The following PHF20 variants were observed in gnomAD, a reference collection of about 807,000 sequenced individuals.
PHF20 encodes PHD finger protein 20, also known as glioma-expressed antigen 2.
A neutral mutation model predicts 113.5 loss-of-function variants in PHF20; 23 were observed. The observed-to-expected ratio is 0.20, with a 90% CI of 0.15 to 0.29. PHF20 has a LOEUF of 0.29. PHF20 is among the 10% of genes least tolerant of loss of function. PHF20 has a pLI of 1.00. For missense variants in PHF20, 943 were observed against 1,219.6 expected (o/e 0.77, Z 3.38); for synonymous variants, 434 against 457.3 (o/e 0.95, Z 0.65).
At chr20:35,923,901 A>G (rs8125966) in intron 13 of PHF20, among the ~76,000 whole-genome samples, 14,882 of 152,066 alleles carry the variant, frequency 0.098, 789 homozygotes, top group South Asian at 0.15. Flanking sequence ...ACATGCACAC[A>G]ACATCACACC....
intron 9 of PHF20, among the ~76,000 whole-genome samples, chr20:35,876,037 TGAG>T (rs1287097481): frequency 6.6e-6 from 1 of 152,116 alleles, no homozygotes; most frequent in African/African-American, 2.4e-5. Flanking sequence ...AGGATGATGA[TGAG>T]ATTTCATGTC....
chr20:35,839,768 CAT>C (rs1479234617), intron 2 of PHF20, among the ~76,000 whole-genome samples: 3 of 152,176 alleles, frequency 2.0e-5, no homozygotes, highest in Non-Finnish European at 4.4e-5. Context: ...TTATGGAAAA[CAT>C]ACCCTTCCAG....
chr20:35,778,662 A>G (rs1489321350), intron 1 of PHF20, among the ~76,000 whole-genome samples: 1 of 151,752 alleles, frequency 6.6e-6, no homozygotes, highest in Non-Finnish European at 1.5e-5. Flanking sequence ...CTGAGGCAGG[A>G]GAATGGCTTG....
intron 5 of PHF20, among the ~76,000 whole-genome samples, chr20:35,861,326 C>T (rs6060641): frequency 6.6e-6 from 1 of 152,012 alleles, no homozygotes; most frequent in South Asian, 2.1e-4. Flanking sequence ...TTGTTCTTAA[C>T]GTTTTGGTGT....
At chr20:35,860,237 A>ATT (rs34253757) in intron 5 of PHF20, among the ~76,000 whole-genome samples, 40 of 129,746 alleles carry the variant, frequency 3.1e-4, no homozygotes, top group Non-Finnish European at 3.4e-4. Flanking sequence ...TTTCTAAGAA[A>ATT]TTTTTTTTTT....
At chr20:35,921,925 C>T (rs574298250) in intron 13 of PHF20, among the ~76,000 whole-genome samples, 2 of 152,128 alleles carry the variant, frequency 1.3e-5, no homozygotes, top group African/African-American at 2.4e-5. Context: ...CAGGGCTATT[C>T]TGTCTAACAG....
At chr20:35,788,812 C>T (rs1156934137) in intron 1 of PHF20, among the ~76,000 whole-genome samples, 2 of 150,608 alleles carry the variant, frequency 1.3e-5, no homozygotes, top group African/African-American at 2.4e-5. Flanking sequence ...TGACGTCAGG[C>T]GATCCACCCA....
Position 35,925,327 on chromosome 20 carries a change from T to C in PHF20, c.2005-2453T>C, listed in dbSNP as rs570386594. ...CAGGCTGGAGTGTAGTAGCGTGATCTTGGCTCACTGCAACCTCCGCCTCCT... is the reference window on the plus strand; with the variant it reads ...CAGGCTGGAGTGTAGTAGCGTGATCCTGGCTCACTGCAACCTCCGCCTCCT... On this transcript the variant is annotated intron_variant, in intron 13 of 17. Coordinates refer to ENST00000374012, the MANE Select transcript of PHF20 (RefSeq NM_016436.5). Among the ~76,000 whole-genome samples, 9 of 151,986 alleles carry C rather than the reference T, an allele frequency of 5.9e-5. No individual in the cohort carries two copies. In the South Asian group the frequency reaches 1.9e-3, roughly 32 times the overall value.
At chr20:35,924,702 C>G (rs865940679) in intron 13 of PHF20, among the ~76,000 whole-genome samples, 8 of 152,104 alleles carry the variant, frequency 5.3e-5, no homozygotes, top group Middle Eastern at 6.8e-3. Flanking sequence ...AAGTGATCCT[C>G]CTGCCTCAGC....
In PHF20 at chr20:35,847,421, T is replaced by C. The variant is rs775596071; in HGVS notation, c.327T>C (p.Ala109=). The C allele has an allele frequency of 4.0e-5, 64 of 1,610,278 alleles. No homozygotes were observed. Among genetic ancestry groups the C allele is most frequent in the Non-Finnish European group, 5.3e-5 (62 of 1,176,814 alleles). The change falls in exon 4 of 18, where the codon GCT becomes GCC. Residue 109 remains alanine, a synonymous_variant. Transcript: ENST00000374012. The stretch of plus-strand genomic sequence containing the variant: ...GTTTTTACCCGGCCAAAGTCACTGC[T>C]GTTAACAAGGATGGTAAGGCATTTG... The part of the protein sequence containing the change: ...DCRFYPAKVT[A]VNKDGTYTVK...
chr20:35,898,559 C>T (rs954525136), intron 9 of PHF20, among the ~76,000 whole-genome samples: 6 of 152,108 alleles, frequency 3.9e-5, no homozygotes, highest in Non-Finnish European at 7.4e-5. Context: ...CTCAGCCTCC[C>T]GAATAGCTAG....
In PHF20 at chr20:35,852,927, T is replaced by C. The variant is rs968106246; in HGVS notation, c.341-5375T>C. Among the ~76,000 whole-genome samples, 5 of 150,186 alleles carry C rather than the reference T, an allele frequency of 3.3e-5. No homozygotes were observed. The South Asian group carries it at 8.4e-4, about 25-fold the overall frequency. Reference sequence around the variant, plus strand: ...AATCTTTTTTTCCTTTTTTTTTTTTTCTAAAAAGGGCCAGTCCAGGCGTGG... The same window carrying C: ...AATCTTTTTTTCCTTTTTTTTTTTTCCTAAAAAGGGCCAGTCCAGGCGTGG... On this transcript the variant is annotated intron_variant, in intron 4 of 17. Transcript: ENST00000374012.
intron 5 of PHF20, among the ~76,000 whole-genome samples, chr20:35,862,382 G>A (rs551263761): frequency 1.6e-3 from 248 of 152,294 alleles, no homozygotes; most frequent in Middle Eastern, 3.4e-3. Context: ...TGGGGATAAG[G>A]ACAGAGCATG....
At chr20:35,850,441 T>TG (rs2042704700) in intron 4 of PHF20, among the ~76,000 whole-genome samples, 1 of 150,146 alleles carries the variant, frequency 6.7e-6, no homozygotes, top group South Asian at 2.1e-4. Flanking sequence ...CCTGAGCAGC[T>TG]GGGACTACAG....
intron 2 of PHF20, among the ~76,000 whole-genome samples, chr20:35,804,672 C>T (rs975057374): frequency 2.6e-5 from 4 of 151,810 alleles, no homozygotes; most frequent in African/African-American, 7.3e-5. Context: ...GCTCCTGGCC[C>T]GTTTATTTAT....
At chr20:35,859,972 G>A (rs1474103680) in intron 5 of PHF20, among the ~76,000 whole-genome samples, 2 of 152,180 alleles carry the variant, frequency 1.3e-5, no homozygotes, top group Non-Finnish European at 2.9e-5. Flanking sequence ...CCAGACTGAA[G>A]TGCAGTGGCC....
At chr20:35,840,126 G>A (rs1417148651) in intron 2 of PHF20, among the ~76,000 whole-genome samples, 1 of 152,130 alleles carries the variant, frequency 6.6e-6, no homozygotes. Context: ...AAGAAAGGAA[G>A]GAAGTGGTAC....
intron 5 of PHF20, among the ~76,000 whole-genome samples, chr20:35,860,887 C>T (rs1388295622): frequency 2.0e-5 from 3 of 152,126 alleles, no homozygotes; most frequent in Admixed American, 6.6e-5. Context: ...GTTTACTCTG[C>T]GATACTCAGT....
At position 35,938,750 on chromosome 20, in the gene PHF20, C is replaced by T. The variant is rs574165917; in HGVS notation, c.2354C>T (p.Ser785Leu). The change falls in exon 16 of 18, where the codon TCA becomes TTA. Residue 785 changes from serine to leucine, a missense_variant. By Grantham distance (145) the Ser-to-Leu change is moderately radical. Around this residue, in one of 3 missense-constraint regions of PHF20, gnomAD observed 349 missense variants for 412.3 expected, o/e 0.85. Coordinates refer to ENST00000374012, the MANE Select transcript of PHF20 (RefSeq NM_016436.5). ...TGGTGCCAGCCTTGGAAACAGCACT[C>T]AGGGGAGGGGAGATCTCATTTCAGA... Reference protein sequence around the residue: ...PLWCQPWKQHSGEGRSHFRNI... With the variant: ...PLWCQPWKQHLGEGRSHFRNI... The T allele has an allele frequency of 4.3e-6, 7 of 1,613,914 alleles. 1 individual carries two copies. In the East Asian group the frequency reaches 1.6e-4, roughly 36 times the overall value.
Sources: allele counts gnomAD v4.1 joint callset (sites outside exome capture counted in the v4.1 genomes callset), GRCh38; gene constraint gnomAD v4.1.1; regional missense constraint gnomAD v4.1.1; transcripts MANE v1.5; gene names NCBI Gene and HGNC (gene_info 2026-07-23, HGNC 2026-07-21).